Variants in MYO18A observed in about 807,000 individuals in gnomAD.
MYO18A encodes myosin XVIIIA.
MYO18A carries 78 observed loss-of-function variants against 235.8 expected under a neutral mutation model. That is an observed-to-expected ratio of 0.33 (90% CI 0.28 to 0.40). The LOEUF (loss-of-function observed/expected upper bound fraction) is 0.40. Ranked by LOEUF, MYO18A falls within the 10% of genes least tolerant of loss-of-function variation. MYO18A has a pLI of 1.00. For synonymous variants in MYO18A, 977 were observed against 1,077.8 expected, an observed-to-expected ratio of 0.91 and a Z score of 1.83; for missense variants, 2,215 against 2,699.3, an observed-to-expected ratio of 0.82 and a Z score of 3.98.
intron 1 of MYO18A, among the ~76,000 whole-genome samples, chr17:29,175,752 T>C (rs2068510650): frequency 6.6e-6 from 1 of 152,032 alleles, no homozygotes; most frequent in African/African-American, 2.4e-5. Flanking sequence ...CTAAAATATA[T>C]ATAACAAGCT....
rs2068432067 is a variant in MYO18A at position 29,172,659 on chromosome 17, AG to A, written c.-81-5639del. Among the ~76,000 whole-genome samples, 4 of 152,316 alleles carry A rather than the reference AG, an allele frequency of 2.6e-5. No individual in the cohort carries two copies. The South Asian group carries it at 8.3e-4, about 32-fold the overall frequency. On this transcript the variant is annotated intron_variant, in intron 1 of 41. Transcript: ENST00000527372. ...CCTCAGAGAGGTACCTAATAGTAGCAGGGCACAGTTTTTGCAGTCTAAATGA... is the reference window on the plus strand; with the variant it reads ...CCTCAGAGAGGTACCTAATAGTAGCAGGCACAGTTTTTGCAGTCTAAATGA...
rs2048955761 is a variant in MYO18A, at chr17:29,125,058, A to G, written c.1000-2805T>C. ...ATCAGGCTCCCTCTTCTGTGTGTCTACCAGGTCAGGCCACCTCACCACACC... is the reference window on the plus strand; with the variant it reads ...ATCAGGCTCCCTCTTCTGTGTGTCTGCCAGGTCAGGCCACCTCACCACACC... On this transcript the variant is annotated intron_variant, in intron 2 of 41. Transcript: ENST00000527372. The surrounding 1 kb of genome is among the most constrained non-coding windows in gnomAD (Gnocchi z 5.1). 1.3e-5 allele frequency among the ~76,000 whole-genome samples: 2 copies of G among 152,062 alleles called. No individual in the cohort carries two copies. Among genetic ancestry groups the G allele is most frequent in the South Asian group, 4.1e-4 (2 of 4,822 alleles).
At chr17:29,108,522 T>A (rs889797552) in intron 19 of MYO18A, among the ~76,000 whole-genome samples, 1 of 152,214 alleles carries the variant, frequency 6.6e-6, no homozygotes, top group Non-Finnish European at 1.5e-5. Flanking sequence ...GGAGCGACTG[T>A]CTTGCTCAAG....
intron 39 of MYO18A, among the ~76,000 whole-genome samples, chr17:29,086,143 G>A (rs924423065): frequency 6.6e-6 from 1 of 152,244 alleles, no homozygotes; most frequent in Non-Finnish European, 1.5e-5. Context: ...GAGTGGGGCA[G>A]GTGCCATCGG....
intron 34 of MYO18A, chr17:29,091,531 G>A (rs569440214): frequency 2.1e-5 from 9 of 438,998 alleles, no homozygotes; most frequent in African/African-American, 1.8e-4. Context: ...TGGGGAGCTG[G>A]GGAAGCCTCC....
Position 29,082,325 on chromosome 17 carries a change from T to C in MYO18A, c.6011A>G (p.Lys2004Arg). The C allele has an allele frequency of 6.2e-7, 1 of 1,613,950 alleles. No homozygotes were observed. The highest frequency in any genetic ancestry group is 1.1e-5 in the South Asian group (1 of 91,080). The change falls in exon 41 of 42, where the codon AAG (lysine) becomes AGG (arginine). Residue 2004 changes from lysine to arginine, a missense_variant. Coordinates refer to ENST00000527372, the MANE Select transcript of MYO18A (RefSeq NM_078471.4). The stretch of plus-strand genomic sequence containing the variant: ...AAGGCCATATGCTCACCTGGAACTC[T>C]TTAAGCTGCCATCATCAGAAGCTGC... Reference protein sequence around the residue: ...SKAASDDGSLKSSSPTSYWKS... With the variant: ...SKAASDDGSLRSSSPTSYWKS...
intron 7 of MYO18A, 116 bp from the exon 8 acceptor site, chr17:29,119,551 GCA>G (rs2067148921): frequency 1.8e-6 from 1 of 566,516 alleles, no homozygotes; most frequent in Non-Finnish European, 2.9e-6. Context: ...ACAAGCAGCT[GCA>G]TTTTTTTTTT....
rs766835777 is a variant in MYO18A, at chr17:29,166,152, G to A, written c.789C>T (p.Thr263=). 6.2e-7 allele frequency: 1 copy of A among 1,613,118 alleles called. No homozygotes were observed. Among genetic ancestry groups the A allele is most frequent in the South Asian group, 1.1e-5 (1 of 91,084 alleles). Residue 263 remains threonine, a synonymous_variant, in exon 2 of 42, where the codon ACC becomes ACT. Coordinates refer to ENST00000527372, the MANE Select transcript of MYO18A (RefSeq NM_078471.4). The stretch of plus-strand genomic sequence containing the variant: ...GCACCAGCCCCAGGGCCAGGTCCTT[G>A]GTGCCTGCACCAGGCTCAGCAAAGT... ...VVHFAEPGAG[T]KDLALGLVPG...
rs777594643 is a variant in MYO18A at position 29,097,227 on chromosome 17, C to T, written c.4226G>A (p.Arg1409Gln). 24 of 1,609,152 alleles carry T rather than the reference C, an allele frequency of 1.5e-5. No individual in the cohort carries two copies. The highest frequency in any genetic ancestry group is 1.9e-5 in the Non-Finnish European group (23 of 1,179,818). Residue 1409 changes from arginine to glutamine, a missense_variant, in exon 27 of 42, where the codon CGG (arginine) becomes CAG (glutamine). Transcript: ENST00000527372. ...TCAGCTCCTCCCCAGCCTCACCCGCCGTTCCAGCTGCCTCTTGTTCTGCTG... is the reference window on the plus strand; with the variant it reads ...TCAGCTCCTCCCCAGCCTCACCCGCTGTTCCAGCTGCCTCTTGTTCTGCTG... ...VEQQNKRQLE[R>Q]RLGDLQADSE...
At position 29,090,245 on chromosome 17, in the gene MYO18A, A is replaced by T. The variant is rs781392005; in HGVS notation, c.5389-147T>A. 9.6e-4 allele frequency: 885 copies of T among 918,410 alleles called. 4 individuals carry two copies. The highest frequency in any genetic ancestry group is 1.2e-3 in the Non-Finnish European group (778 of 622,848). The allele number at this position is 918,410 out of a possible 1,614,324, so 56.9% of individuals were successfully genotyped here. A position where few individuals can be genotyped will look rare whatever the true frequency, so the allele number is the denominator to read the frequency against. On this transcript the variant is annotated intron_variant, in intron 36 of 41. Transcript: ENST00000527372. ...AGGAAAGAGAATGGAGCCCTGGGCC[A>T]GAGGCCTCCCCCATCTGCCCCAGTG...
rs1271792061 is a variant in MYO18A, at chr17:29,126,496, G to T, written c.1000-4243C>A. ...CTTCCCTGATTCACAGAGTGGGCCA[G>T]GTGGGTGGGGGAAGCGGCGGCTGGC... On this transcript the variant is annotated intron_variant, in intron 2 of 41. Transcript: ENST00000527372. This position sits in a 1 kb window ranked among gnomAD's most constrained non-coding sequence, Gnocchi z 4.1. Among the ~76,000 whole-genome samples the T allele has an allele frequency of 6.6e-6, 1 of 152,176 alleles. No homozygotes were observed. Among genetic ancestry groups the T allele is most frequent in the Non-Finnish European group, 1.5e-5 (1 of 68,018 alleles).
intron 41 of MYO18A, chr17:29,080,383 C>T (rs2066089670): frequency 1.0e-6 from 1 of 986,128 alleles, no homozygotes; most frequent in African/African-American, 1.7e-5. Flanking sequence ...CGACAGACTG[C>T]GGGCCAGCGA....
chr17:29,114,336 CAT>C (rs1289297429), intron 14 of MYO18A: 8 of 508,374 alleles, frequency 1.6e-5, no homozygotes, highest in Admixed American at 3.3e-5. Flanking sequence ...TCATTACTCA[CAT>C]GAGTTGATTA....
intron 20 of MYO18A, among the ~76,000 whole-genome samples, chr17:29,105,129 G>A (rs1392268693): frequency 2.9e-5 from 4 of 139,448 alleles, no homozygotes; most frequent in Admixed American, 7.9e-5. Flanking sequence ...CTCAGATGGC[G>A]CCACTGCACT....
At chr17:29,080,029 G>C (rs966695010) in intron 41 of MYO18A, 2 of 986,016 alleles carry the variant, frequency 2.0e-6, no homozygotes, top group African/African-American at 1.7e-5. Context: ...GCCGGAGCTG[G>C]AGCTGGAGCT....
chr17:29,177,423 C>T (rs1376835588), intron 1 of MYO18A, among the ~76,000 whole-genome samples: 1 of 152,126 alleles, frequency 6.6e-6, no homozygotes, highest in Non-Finnish European at 1.5e-5. Flanking sequence ...ACAAGCCCTG[C>T]AATTCCTACC....
chr17:29,088,703 A>G (rs1405359947), intron 37 of MYO18A, among the ~76,000 whole-genome samples: 2 of 152,220 alleles, frequency 1.3e-5, no homozygotes, highest in East Asian at 3.8e-4. Context: ...GCTCTGCCAG[A>G]GATGGAAGGG....
At position 29,097,905 on chromosome 17, in the gene MYO18A, G is replaced by A; in HGVS notation, c.3991-6C>T. ...TTCAGTGCATCGTACTGGGTCTGCA[G>A]AAGACAGGGTTTCAGGGTGTGCCAT... On this transcript the variant is annotated splice_region_variant and splice_polypyrimidine_tract_variant and intron_variant, in intron 25 of 41. Coordinates refer to ENST00000527372, the MANE Select transcript of MYO18A (RefSeq NM_078471.4). 3 of 1,610,674 alleles carry A rather than the reference G, an allele frequency of 1.9e-6. No homozygotes were observed. Among genetic ancestry groups the A allele is most frequent in the Non-Finnish European group, 2.5e-6 (3 of 1,178,262 alleles).
At chr17:29,115,176 AC>A (rs1352863811) in intron 13 of MYO18A, 77 bp from the exon 14 acceptor site, 5 of 1,494,538 alleles carry the variant, frequency 3.3e-6, no homozygotes, top group Non-Finnish European at 2.7e-6. Flanking sequence ...CCCAAGCCAG[AC>A]CTCTATCCCT....
Sources: allele counts gnomAD v4.1 joint callset (sites outside exome capture counted in the v4.1 genomes callset), GRCh38; gene constraint gnomAD v4.1.1; non-coding constraint Gnocchi (gnomAD v3.1); transcripts MANE v1.5; gene names NCBI Gene and HGNC (gene_info 2026-07-23, HGNC 2026-07-21).